Variants in SLC38A4 observed in about 807,000 individuals in gnomAD.
The protein encoded by SLC38A4 is solute carrier family 38 member 4, also known as sodium-coupled neutral amino acid transporter 4.
SLC38A4 carries 20 observed loss-of-function variants against 63.1 expected under a neutral mutation model. The ratio of observed to expected loss-of-function variants is 0.32; its 90% CI spans 0.22 to 0.46. The LOEUF is 0.46. SLC38A4 is among the 20% of genes least tolerant of loss of function. The pLI is 1.00. For missense variants in SLC38A4, 526 were observed against 663.6 expected (o/e 0.79, Z 2.28); for synonymous variants, 230 against 225.5 (o/e 1.02, Z -0.18).
chr12:46,789,227 A>C (rs1433110602), intron 3 of SLC38A4, among the ~76,000 whole-genome samples: 1 of 150,680 alleles, frequency 6.6e-6, no homozygotes, highest in Non-Finnish European at 1.5e-5. Context: ...TTTTTGGTAC[A>C]ATCATTTATA....
chr12:46,765,551 T>C lies in SLC38A4; in HGVS notation c.*1150A>G, dbSNP rs1938280963. On this transcript the variant is annotated 3_prime_UTR_variant, in exon 17 of 17. Coordinates refer to ENST00000266579, the MANE Select transcript of SLC38A4 (RefSeq NM_018018.5). ...ATTGCCAAACTATATATAACTTAGG[T>C]TTCAAATTTAAATTATCCCCAGACA... 1.3e-5 allele frequency: 3 copies of C among 222,470 alleles called. No individual in the cohort carries two copies. The highest frequency in any genetic ancestry group is 1.7e-4 in the East Asian group (1 of 5,978). The allele number at this position is 222,470 out of a possible 1,614,324, so 13.8% of individuals were successfully genotyped here. A position where few individuals can be genotyped will look rare whatever the true frequency, so the allele number is the denominator to read the frequency against.
chr12:46,804,849 G>A (rs988365652), intron 1 of SLC38A4, among the ~76,000 whole-genome samples: 1 of 151,960 alleles, frequency 6.6e-6, no homozygotes, highest in African/African-American at 2.4e-5. Flanking sequence ...AATAACAAAT[G>A]TACTAATTTT....
chr12:46,823,751 C>T (rs1939595752), intron 1 of SLC38A4, among the ~76,000 whole-genome samples: 1 of 152,152 alleles, frequency 6.6e-6, no homozygotes, highest in South Asian at 2.1e-4. Flanking sequence ...TCTCTTCTCT[C>T]TTTGGAGGTG....
At position 46,802,674 on chromosome 12, in the gene SLC38A4, A is replaced by T. The variant is rs1939154043; in HGVS notation, c.-113+929T>A. On this transcript the variant is annotated intron_variant, in intron 2 of 16. Transcript: ENST00000266579. ...AACTAAATGGCAATCTTTTATTAAA[A>T]ACACACCCAAATTTCTTTACTTTGT... Among the ~76,000 whole-genome samples, 6 of 152,002 alleles carry T rather than the reference A, an allele frequency of 3.9e-5. 1 individual carries two copies. In the South Asian group the frequency reaches 1.2e-3, roughly 32 times the overall value.
chr12:46,803,240 T>C (rs1565673937), intron 2 of SLC38A4, among the ~76,000 whole-genome samples: 1 of 152,066 alleles, frequency 6.6e-6, no homozygotes, highest in Non-Finnish European at 1.5e-5. Context: ...TGAACTTTCA[T>C]ATTTTTTCCT....
chr12:46,788,424 G>T (rs1022018344), intron 4 of SLC38A4, 104 bp downstream of exon 4: 1 of 906,114 alleles, frequency 1.1e-6, no homozygotes, highest in Admixed American at 1.9e-5. Context: ...AGAATGTGCT[G>T]ATCAAGGCTT....
intron 2 of SLC38A4, among the ~76,000 whole-genome samples, chr12:46,799,317 T>G (rs1939081403): frequency 1.3e-5 from 2 of 152,122 alleles, no homozygotes; most frequent in African/African-American, 4.8e-5. Context: ...AAAATATTTA[T>G]TGGGATGGGC....
intron 2 of SLC38A4, among the ~76,000 whole-genome samples, chr12:46,798,247 G>A (rs575546976): frequency 6.6e-6 from 1 of 152,198 alleles, no homozygotes; most frequent in East Asian, 1.9e-4. Context: ...TGAGGATAAA[G>A]TCCAAAATTC....
chr12:46,785,142 T>C lies in SLC38A4; in HGVS notation c.362A>G (p.Tyr121Cys), dbSNP rs201939643. 1.2e-6 allele frequency: 2 copies of C among 1,612,902 alleles called. No individual in the cohort carries two copies. The highest frequency in any genetic ancestry group is 1.3e-5 in the African/African-American group (1 of 74,944). The change falls in exon 6 of 17, where the codon TAT becomes TGT. Residue 121 changes from tyrosine (Y) to cysteine (C), a missense_variant. Tyr to Cys is a radical substitution (Grantham distance 194). Coordinates refer to ENST00000266579, the MANE Select transcript of SLC38A4 (RefSeq NM_018018.5). ...MLLAVAILSL[Y>C]SVHLLLKTAK... ...TGTTTTTAATAAAAGGTGAACTGAA[T>C]ACAGTGATAATATTGCCACAGCAAG...
intron 3 of SLC38A4, among the ~76,000 whole-genome samples, chr12:46,792,409 G>A (rs1381931487): frequency 6.6e-6 from 1 of 152,000 alleles, no homozygotes; most frequent in African/African-American, 2.4e-5. Context: ...GTTTTGGAGG[G>A]AAAGATAGGA....
At chr12:46,805,282 A>G (rs1268970209) in intron 1 of SLC38A4, among the ~76,000 whole-genome samples, 3 of 152,132 alleles carry the variant, frequency 2.0e-5, no homozygotes, top group East Asian at 3.9e-4. Flanking sequence ...GAGTTTAATC[A>G]TGTTTCTTTT....
intron 14 of SLC38A4, among the ~76,000 whole-genome samples, chr12:46,774,021 C>T (rs148032477): frequency 8.5e-5 from 13 of 152,092 alleles, no homozygotes; most frequent in East Asian, 3.9e-4. Context: ...GTACCCAAGA[C>T]GGAGCTGATT....
chr12:46,780,391 A>G, intron 7 of SLC38A4, among the ~76,000 whole-genome samples: 1 of 152,040 alleles, frequency 6.6e-6, no homozygotes, highest in Admixed American at 6.6e-5. Flanking sequence ...AACAAAAGGC[A>G]TGGGCCAGCT....
chr12:46,778,791 T>TA lies in SLC38A4; in HGVS notation c.718-16dup. On this transcript the variant is annotated splice_polypyrimidine_tract_variant and intron_variant, in intron 10 of 16. Transcript: ENST00000266579. ...TTGTAAATCACCTAGACTCAGTCAT[T>TA]AAAAAAGAAAAAAAAATCAGCTTTT... 3.8e-6 allele frequency: 6 copies of TA among 1,580,040 alleles called. No individual in the cohort carries two copies. In the Admixed American group the frequency reaches 5.5e-5, roughly 14 times the overall value.
chr12:46,812,397 A>C (rs117572361), intron 1 of SLC38A4, among the ~76,000 whole-genome samples: 1 of 151,960 alleles, frequency 6.6e-6, no homozygotes, highest in Admixed American at 6.6e-5. Context: ...TTTTATCTAC[A>C]TGAGAAGTCT....
intron 1 of SLC38A4, among the ~76,000 whole-genome samples, chr12:46,806,135 C>T (rs532498618): frequency 6.6e-6 from 1 of 151,406 alleles, no homozygotes; most frequent in East Asian, 1.9e-4. Context: ...TGAAAAATAC[C>T]CTTGTAATTC....
At chr12:46,812,080 T>G (rs1424069612) in intron 1 of SLC38A4, among the ~76,000 whole-genome samples, 1 of 152,074 alleles carries the variant, frequency 6.6e-6, no homozygotes, top group East Asian at 1.9e-4. Flanking sequence ...TCCAGTAATA[T>G]TAATTAATAT....
intron 14 of SLC38A4, 100 bp from the exon 15 acceptor site, chr12:46,769,528 C>CT: frequency 2.3e-6 from 3 of 1,298,262 alleles, no homozygotes; most frequent in South Asian, 3.0e-5. Flanking sequence ...CTTTCCTTTT[C>CT]TTTTTTCCCA....
At chr12:46,804,081 G>A (rs1184950628) in intron 1 of SLC38A4, among the ~76,000 whole-genome samples, 10 of 151,888 alleles carry the variant, frequency 6.6e-5, no homozygotes, top group South Asian at 4.2e-4. Context: ...AAACATAATC[G>A]AAATCTCCAG....
Sources: allele counts gnomAD v4.1 joint callset (sites outside exome capture counted in the v4.1 genomes callset), GRCh38; gene constraint gnomAD v4.1.1; transcripts MANE v1.5; gene names NCBI Gene and HGNC (gene_info 2026-07-23, HGNC 2026-07-21).